The following DACH2 variants were observed in gnomAD, a reference collection of about 807,000 sequenced individuals.
DACH2 encodes dachshund homolog 2.
DACH2 carries 17 observed loss-of-function variants against 35.8 expected under a neutral mutation model. The observed-to-expected ratio is 0.48, with a 90% CI of 0.33 to 0.71. The LOEUF is 0.71. Ranked by LOEUF, DACH2 falls within the 30% of genes least tolerant of loss-of-function variation. The pLI is 0.02. For missense variants in DACH2, 469 were observed against 472.7 expected, an observed-to-expected ratio of 0.99 and a Z score of 0.07; for synonymous variants, 195 against 177.3, an observed-to-expected ratio of 1.10 and a Z score of -0.79.
At chrX:86,270,457 A>T (rs1383741690) in intron 1 of DACH2, among the ~76,000 whole-genome samples, 1 of 111,735 alleles carries the variant, frequency 8.9e-6, no homozygotes. Flanking sequence ...ACACTTGTGA[A>T]TAGCTCACTC....
chrX:86,642,341 G>A lies in DACH2; in HGVS notation c.641-8695G>A, dbSNP rs1191295425. On this transcript the variant is annotated intron_variant, in intron 3 of 11. Coordinates refer to ENST00000373125, the MANE Select transcript of DACH2 (RefSeq NM_053281.3). Reference sequence around the variant, plus strand: ...GAAATACAGATTTCCAACCAATAAAGATAAAAAAAAGACAAGGAAGAGCAT... The same window carrying A: ...GAAATACAGATTTCCAACCAATAAAAATAAAAAAAAGACAAGGAAGAGCAT... 2.7e-5 allele frequency among the ~76,000 whole-genome samples: 3 copies of A among 111,069 alleles called. No individual in the cohort carries two copies. In the East Asian group the frequency reaches 8.5e-4, roughly 31 times the overall value.
At chrX:86,404,685 G>T (rs1392421524) in intron 2 of DACH2, among the ~76,000 whole-genome samples, 2 of 111,530 alleles carry the variant, frequency 1.8e-5, no homozygotes, top group African/African-American at 6.5e-5. Flanking sequence ...CTAACGTTCT[G>T]GGATCTGGAG....
At chrX:86,493,465 C>G (rs1428123248) in intron 2 of DACH2, among the ~76,000 whole-genome samples, 2 of 111,514 alleles carry the variant, frequency 1.8e-5, no homozygotes, top group African/African-American at 6.5e-5. Flanking sequence ...TTCTAAGATT[C>G]TTAATTATAC....
chrX:86,478,990 C>T (rs1195152232), intron 2 of DACH2, among the ~76,000 whole-genome samples: 1 of 110,247 alleles, frequency 9.1e-6, no homozygotes, highest in Non-Finnish European at 1.9e-5. Flanking sequence ...AGAATGAGTG[C>T]AAGGTTTTAT....
chrX:86,474,207 T>G (rs2037805432), intron 2 of DACH2, among the ~76,000 whole-genome samples: 1 of 112,241 alleles, frequency 8.9e-6, no homozygotes, highest in South Asian at 3.6e-4. Context: ...TTTTAAAATC[T>G]GATTATTAGA....
At chrX:86,404,303 G>A (rs773336495) in intron 2 of DACH2, among the ~76,000 whole-genome samples, 83 of 111,273 alleles carry the variant, frequency 7.5e-4, no homozygotes, top group Non-Finnish European at 1.0e-3. Context: ...ACAAGGCAAG[G>A]CCCCTCCACC....
At chrX:86,200,443 A>G (rs770990228) in intron 1 of DACH2, among the ~76,000 whole-genome samples, 2 of 111,126 alleles carry the variant, frequency 1.8e-5, no homozygotes, top group East Asian at 5.6e-4. Flanking sequence ...ATAGAACCTA[A>G]TTAAGTTAAA....
rs748757113 is a variant in DACH2 at position 86,283,183 on chromosome X, C to T, written c.489-93641C>T. On this transcript the variant is annotated intron_variant, in intron 1 of 11. Transcript: ENST00000373125. ...GCAAATCAAAACCACAATGAAATAC[C>T]ATCTCATGCCATTTAGAATAGCAAT... Among the ~76,000 whole-genome samples the T allele has an allele frequency of 8.2e-5, 9 of 109,693 alleles. No homozygotes were observed. In the South Asian group the frequency reaches 1.2e-3, roughly 15 times the overall value.
At chrX:86,290,668 A>G (rs1296417292) in intron 1 of DACH2, among the ~76,000 whole-genome samples, 3 of 105,763 alleles carry the variant, frequency 2.8e-5, no homozygotes, top group Non-Finnish European at 5.8e-5. Flanking sequence ...AGCACCATTT[A>G]TTAAATAGGG....
intron 3 of DACH2, among the ~76,000 whole-genome samples, chrX:86,620,164 G>A (rs2040053034): frequency 8.9e-6 from 1 of 111,812 alleles, no homozygotes; most frequent in Non-Finnish European, 1.9e-5. Context: ...GAAATACTTT[G>A]TTACTGTTGG....
At chrX:86,385,169 G>C (rs1264581484) in intron 2 of DACH2, among the ~76,000 whole-genome samples, 1 of 111,313 alleles carries the variant, frequency 9.0e-6, no homozygotes, top group African/African-American at 3.3e-5. Flanking sequence ...AAATGGTGAC[G>C]TTATATGCTT....
At chrX:86,390,028 G>C (rs1244380322) in intron 2 of DACH2, among the ~76,000 whole-genome samples, 2 of 111,563 alleles carry the variant, frequency 1.8e-5, no homozygotes, top group Admixed American at 9.6e-5. Flanking sequence ...GCACCCCTTG[G>C]TTACTTTTAT....
At chrX:86,547,768 T>A (rs1416003965) in intron 3 of DACH2, among the ~76,000 whole-genome samples, 1 of 111,963 alleles carries the variant, frequency 8.9e-6, no homozygotes, top group Non-Finnish European at 1.9e-5. Context: ...GCTAGCTCCA[T>A]TTCACATTAC....
chrX:86,682,481 C>T (rs1333545364), intron 4 of DACH2, among the ~76,000 whole-genome samples: 2 of 111,810 alleles, frequency 1.8e-5, no homozygotes, highest in Non-Finnish European at 3.8e-5. Flanking sequence ...TTCTACCACA[C>T]GTCAAGTGCC....
intron 1 of DACH2, among the ~76,000 whole-genome samples, chrX:86,265,509 AAACTTTATATTTT>A (rs2033696319): frequency 8.9e-6 from 1 of 111,757 alleles, no homozygotes; most frequent in Non-Finnish European, 1.9e-5. Context: ...ATAGTCCCAG[AAACTTTATATTTT>A]AGTTTTTCAG....
intron 2 of DACH2, among the ~76,000 whole-genome samples, chrX:86,462,336 T>C (rs1340790191): frequency 9.0e-6 from 1 of 111,496 alleles, no homozygotes; most frequent in Non-Finnish European, 1.9e-5. Flanking sequence ...GGAATTACGT[T>C]GTACAAAGCA....
intron 2 of DACH2, among the ~76,000 whole-genome samples, chrX:86,471,656 G>C (rs1195683507): frequency 1.8e-5 from 2 of 111,203 alleles, no homozygotes; most frequent in Non-Finnish European, 3.8e-5. Context: ...TTCTTGAAGA[G>C]AGACAGTTGA....
chrX:86,827,756 T>C (rs1404180485), intron 11 of DACH2: 1 of 1,164,362 alleles, frequency 8.6e-7, no homozygotes, highest in Non-Finnish European at 1.1e-6. Context: ...TTATTGTTTT[T>C]TCTGTGCAGC....
At chrX:86,462,146 A>G (rs1444801927) in intron 2 of DACH2, among the ~76,000 whole-genome samples, 2 of 111,711 alleles carry the variant, frequency 1.8e-5, no homozygotes, top group African/African-American at 6.5e-5. Flanking sequence ...ATGATAAAAA[A>G]CATGTGCTAT....
Sources: allele counts gnomAD v4.1 joint callset (sites outside exome capture counted in the v4.1 genomes callset), GRCh38; gene constraint gnomAD v4.1.1; transcripts MANE v1.5; gene names NCBI Gene and HGNC (gene_info 2026-07-23, HGNC 2026-07-21).